NBAS: variants seen among roughly 807,000 people sequenced by gnomAD.
NBAS encodes the protein NBAS subunit of NRZ tethering complex.
Under a neutral mutation model 302.5 loss-of-function variants are expected in NBAS, and 219 were observed. The observed-to-expected ratio is 0.72, with a 90% CI of 0.65 to 0.81. The LOEUF (loss-of-function observed/expected upper bound fraction) is 0.81, where lower values mean the gene tolerates loss of function less well. Among genes scored for constraint, NBAS ranks in the 30% least tolerant of loss-of-function variants. The probability of loss-of-function intolerance (pLI) is 0.00; values close to 1 mark genes in which losing one functional copy is unlikely to be tolerated. For missense variants in NBAS, 2,932 were observed against 2,841.6 expected, an observed-to-expected ratio of 1.03 and a Z score of -0.72; for synonymous variants, 1,118 against 1,021.6, an observed-to-expected ratio of 1.09 and a Z score of -1.80.
At chr2:14,806,965 C>T in the NBAS span, among the ~76,000 whole-genome samples, 1 of 152,174 alleles carries the variant, frequency 6.6e-6, no homozygotes, top group Non-Finnish European at 1.5e-5. Flanking sequence ...TTGTGAAATG[C>T]TGCATCATAT....
Position 15,166,939 on chromosome 2 carries a change from C to T in NBAS, c.*109G>A. On this transcript the variant is annotated 3_prime_UTR_variant, in exon 52 of 52. Transcript: ENST00000281513. ...CATCGTTTCCATACAGTTTTATTTG[C>T]AATTTGTTGGAACCATGGAGAACAA... 1 of 1,379,420 alleles carries T rather than the reference C, an allele frequency of 7.2e-7. No individual in the cohort carries two copies. 85.4% of individuals were successfully genotyped at this position (1,379,420 alleles called of 1,614,324 possible). A position where few individuals can be genotyped will look rare whatever the true frequency, so the allele number is the denominator to read the frequency against.
At chr2:15,044,939 A>G in the NBAS span, among the ~76,000 whole-genome samples, 1 of 152,250 alleles carries the variant, frequency 6.6e-6, no homozygotes, top group African/African-American at 2.4e-5. Context: ...AATTGGGGTA[A>G]GGCTAGCACA....
At chr2:15,219,083 T>C in intron 47 of NBAS, 115 bp from the exon 48 acceptor site, 1 of 1,336,812 alleles carries the variant, frequency 7.5e-7, no homozygotes. Flanking sequence ...CTTCGTTTTT[T>C]TCCTCTTGAA....
chr2:15,058,265 A>G, the NBAS span, among the ~76,000 whole-genome samples: 2 of 152,292 alleles, frequency 1.3e-5, no homozygotes, highest in African/African-American at 4.8e-5. Flanking sequence ...TTTGGTAGTC[A>G]CAGCTGGGGA....
At chr2:15,491,725 G>A (rs924223967) in intron 11 of NBAS, among the ~76,000 whole-genome samples, 1 of 150,234 alleles carries the variant, frequency 6.7e-6, no homozygotes, top group South Asian at 2.1e-4. Context: ...GACAGAGTGA[G>A]ACTCCATCTC....
At chr2:15,333,999 T>A (rs984092578) in intron 35 of NBAS, among the ~76,000 whole-genome samples, 2 of 152,168 alleles carry the variant, frequency 1.3e-5, no homozygotes, top group Non-Finnish European at 2.9e-5. Flanking sequence ...TACCATTTAT[T>A]AAACACCTAC....
At chr2:15,489,391 C>G (rs903590091) in intron 11 of NBAS, among the ~76,000 whole-genome samples, 1 of 151,702 alleles carries the variant, frequency 6.6e-6, no homozygotes, top group Non-Finnish European at 1.5e-5. Flanking sequence ...AATTTGGGCC[C>G]AGATCTTTAC....
the NBAS span, among the ~76,000 whole-genome samples, chr2:15,116,619 T>C: frequency 1.3e-5 from 2 of 152,148 alleles, no homozygotes; most frequent in Non-Finnish European, 2.9e-5. Flanking sequence ...AAATATTCAA[T>C]CCATAACAAG....
intron 35 of NBAS, among the ~76,000 whole-genome samples, chr2:15,333,106 C>T (rs530635114): frequency 4.1e-4 from 63 of 152,236 alleles, no homozygotes; most frequent in Non-Finnish European, 7.1e-4. Context: ...TACCAGAACA[C>T]GAAGAGAGAT....
the NBAS span, among the ~76,000 whole-genome samples, chr2:14,906,370 C>T: frequency 6.6e-6 from 1 of 152,206 alleles, no homozygotes; most frequent in South Asian, 2.1e-4. Flanking sequence ...ATAGCCTGCT[C>T]GTAAGTGGCA....
intron 51 of NBAS, among the ~76,000 whole-genome samples, chr2:15,177,310 C>T (rs920141566): frequency 6.6e-6 from 1 of 152,160 alleles, no homozygotes; most frequent in African/African-American, 2.4e-5. Flanking sequence ...TTGGGCACTG[C>T]AGTGTTACCA....
At chr2:15,205,641 T>C (rs753901471) in intron 48 of NBAS, among the ~76,000 whole-genome samples, 1 of 152,068 alleles carries the variant, frequency 6.6e-6, no homozygotes, top group Non-Finnish European at 1.5e-5. Flanking sequence ...TCAAATCGCA[T>C]CTCGAATTAT....
At chr2:14,957,157 C>T in the NBAS span, among the ~76,000 whole-genome samples, 419 of 152,234 alleles carry the variant, frequency 2.8e-3, 4 homozygotes, top group African/African-American at 9.8e-3. Context: ...AGAACCAACC[C>T]TGATGACACT....
At chr2:15,100,558 A>T in the NBAS span, among the ~76,000 whole-genome samples, 1 of 152,238 alleles carries the variant, frequency 6.6e-6, no homozygotes. Context: ...CACACAATGT[A>T]CCTGAATTAG....
chr2:15,099,707 T>A, the NBAS span, among the ~76,000 whole-genome samples: 1 of 152,006 alleles, frequency 6.6e-6, no homozygotes, highest in Non-Finnish European at 1.5e-5. Context: ...GCAATAGTTC[T>A]CACCAAGATG....
At chr2:15,237,474 G>A (rs1667645145) in intron 45 of NBAS, among the ~76,000 whole-genome samples, 1 of 151,444 alleles carries the variant, frequency 6.6e-6, no homozygotes, top group Non-Finnish European at 1.5e-5. Flanking sequence ...CAGGATAAGG[G>A]TATACGTTTA....
chr2:15,426,877 AG>A (rs967522248), intron 22 of NBAS, among the ~76,000 whole-genome samples: 4 of 152,202 alleles, frequency 2.6e-5, no homozygotes, highest in South Asian at 2.1e-4. Context: ...CTAACTTTTG[AG>A]GGCCATATCT....
At chr2:15,325,896 C>T (rs1239074335) in intron 38 of NBAS, among the ~76,000 whole-genome samples, 1 of 152,210 alleles carries the variant, frequency 6.6e-6, no homozygotes, top group Non-Finnish European at 1.5e-5. Context: ...ATATGCAACT[C>T]TTCCTTTCAC....
chr2:15,299,866 GA>G (rs1670716358), intron 40 of NBAS, among the ~76,000 whole-genome samples: 2 of 152,250 alleles, frequency 1.3e-5, no homozygotes, highest in African/African-American at 4.8e-5. Context: ...ATACAAATGG[GA>G]AACACTGACT....
Sources: allele counts gnomAD v4.1 joint callset (sites outside exome capture counted in the v4.1 genomes callset), GRCh38; gene constraint gnomAD v4.1.1; transcripts MANE v1.5; gene names NCBI Gene and HGNC (gene_info 2026-07-23, HGNC 2026-07-21).